Variants in FGD6 observed in about 807,000 individuals in gnomAD.
FGD6 encodes FYVE, RhoGEF and PH domain containing 6.
FGD6 carries 90 observed loss-of-function variants against 149.4 expected under a neutral mutation model. The observed-to-expected ratio is 0.60, with a 90% confidence interval of 0.51 to 0.72. The LOEUF is 0.72. Ranked by LOEUF, FGD6 falls within the 30% of genes least tolerant of loss-of-function variation. The pLI, the probability that FGD6 is intolerant of heterozygous loss-of-function variation, is 0.00. For missense variants in FGD6, 1,437 were observed against 1,684.8 expected (o/e 0.85, Z 2.57); for synonymous variants, 527 against 584.0 (o/e 0.90, Z 1.41).
At position 95,144,401 on chromosome 12, in the gene FGD6, T is replaced by C. The variant is rs1879945901; in HGVS notation, c.2686-2862A>G. ...ATCCATGAAACCCACAGAGTTACTT[T>C]TTTTTTTTGAGACAGAGTTTCACTC... is the stretch of plus-strand genomic sequence containing the variant. On this transcript the variant is annotated intron_variant, in intron 5 of 20. Transcript: ENST00000343958. Among the ~76,000 whole-genome samples, 3 of 146,054 alleles carry C rather than the reference T, an allele frequency of 2.1e-5. No homozygotes were observed. The South Asian group carries it at 6.4e-4, about 31-fold the overall frequency.
In FGD6 at chr12:95,082,643, C is replaced by T. The variant is rs1330946955; in HGVS notation, c.4257-1087G>A. 3.2e-4 allele frequency among the ~76,000 whole-genome samples: 38 copies of T among 118,028 alleles called. No individual in the cohort carries two copies. In the Admixed American group the frequency reaches 3.6e-3, roughly 11 times the overall value. The allele number at this position is 118,028 out of a possible 152,430, so 77.4% of individuals were successfully genotyped here. On this transcript the variant is annotated intron_variant, in intron 20 of 20. Coordinates refer to ENST00000343958, the MANE Select transcript of FGD6 (RefSeq NM_018351.4). ...CTGAACTCCAGCCTGGGCAACAGAGCGAGACTGTCTCAAAAAAAAAAAAAA... is the reference window on the plus strand; with the variant it reads ...CTGAACTCCAGCCTGGGCAACAGAGTGAGACTGTCTCAAAAAAAAAAAAAA...
intron 3 of FGD6, among the ~76,000 whole-genome samples, chr12:95,165,941 C>CTGGCT (rs1880798983): frequency 6.6e-6 from 1 of 151,476 alleles, no homozygotes; most frequent in Non-Finnish European, 1.5e-5. Flanking sequence ...GCCACCATGC[C>CTGGCT]TGGCTTGTTT....
At chr12:95,103,691 T>A (rs918908141) in intron 14 of FGD6, among the ~76,000 whole-genome samples, 2 of 152,130 alleles carry the variant, frequency 1.3e-5, no homozygotes, top group Non-Finnish European at 2.9e-5. Context: ...CATGCCACCA[T>A]GTCTGGCTAA....
chr12:95,129,762 T>C (rs1034853200), intron 8 of FGD6, among the ~76,000 whole-genome samples: 11 of 152,170 alleles, frequency 7.2e-5, no homozygotes, highest in Admixed American at 1.3e-4. Flanking sequence ...AACGTCCACC[T>C]CCCAGGTTCA....
intron 8 of FGD6, among the ~76,000 whole-genome samples, chr12:95,121,934 CCTA>C (rs1879203091): frequency 1.3e-5 from 2 of 152,022 alleles, no homozygotes; most frequent in Admixed American, 6.6e-5. Context: ...TCTTGGGTTT[CCTA>C]CTTTGTCATA....
At chr12:95,129,542 A>G (rs1592844512) in intron 8 of FGD6, among the ~76,000 whole-genome samples, 1 of 152,210 alleles carries the variant, frequency 6.6e-6, no homozygotes, top group Non-Finnish European at 1.5e-5. Flanking sequence ...AAAGAAGAAG[A>G]TAAGTAAAAG....
chr12:95,162,743 A>AATCC (rs1880684093), intron 3 of FGD6, among the ~76,000 whole-genome samples: 1 of 152,176 alleles, frequency 6.6e-6, no homozygotes. Flanking sequence ...GTTTAAACAC[A>AATCC]ATCCATCAGC....
chr12:95,196,510 G>A (rs1331334773), intron 2 of FGD6, among the ~76,000 whole-genome samples: 5 of 151,412 alleles, frequency 3.3e-5, no homozygotes, highest in Admixed American at 2.0e-4. Flanking sequence ...GATTACAGGC[G>A]TGAGCCACTG....
At chr12:95,081,654 A>G in intron 20 of FGD6, 98 bp from the exon 21 acceptor site, 1 of 615,510 alleles carries the variant, frequency 1.6e-6, no homozygotes, top group East Asian at 2.9e-5. Context: ...TCATTACCAT[A>G]ACAACATAGG....
At position 95,180,066 on chromosome 12, in the gene FGD6, G is replaced by A. The variant is rs367709005; in HGVS notation, c.2442-7322C>T. 3.0e-3 allele frequency among the ~76,000 whole-genome samples: 371 copies of A among 122,984 alleles called. 2 individuals carry two copies. Among genetic ancestry groups the A allele is most frequent in the African/African-American group, 0.011 (338 of 32,136 alleles). 80.7% of individuals were successfully genotyped at this position (122,984 alleles called of 152,430 possible). A position where few individuals can be genotyped will look rare whatever the true frequency, so the allele number is the denominator to read the frequency against. On this transcript the variant is annotated intron_variant, in intron 2 of 20. Coordinates refer to ENST00000343958, the MANE Select transcript of FGD6 (RefSeq NM_018351.4). ...GCACTCCAGCCTGGGCAATAAGAGC[G>A]AAACTCTGCCTCCAAAAAAAAAAAA...
At chr12:95,093,089 C>T (rs560030033) in intron 15 of FGD6, among the ~76,000 whole-genome samples, 287 of 152,062 alleles carry the variant, frequency 1.9e-3, no homozygotes, top group Non-Finnish European at 3.0e-3. Context: ...GGTGTGGTGG[C>T]GGGTGCCTGT....
In FGD6 at chr12:95,113,635, C is replaced by T; in HGVS notation, c.3133+16G>A. On this transcript the variant is annotated intron_variant, in intron 9 of 20. Transcript: ENST00000343958. ...AACATAATATAAAAACTTCTGCAAC[C>T]ACAGAAGTTATTTACCTTGAGTGTC... is the stretch of plus-strand genomic sequence containing the variant. 1 of 1,574,136 alleles carries T rather than the reference C, an allele frequency of 6.4e-7. No individual in the cohort carries two copies. The highest frequency in any genetic ancestry group is 8.6e-7 in the Non-Finnish European group (1 of 1,157,578).
chr12:95,102,450 A>AC (rs1878475609), intron 14 of FGD6, among the ~76,000 whole-genome samples: 4 of 79,524 alleles, frequency 5.0e-5, no homozygotes, highest in African/African-American at 1.4e-4. Flanking sequence ...TCTCAAAAAA[A>AC]AAAAAAAAAA....
intron 3 of FGD6, among the ~76,000 whole-genome samples, chr12:95,165,281 T>C (rs1052840638): frequency 3.3e-5 from 5 of 151,838 alleles, no homozygotes; most frequent in Admixed American, 3.3e-4. Flanking sequence ...CTTTTCTTCA[T>C]GCAACATGAA....
At chr12:95,105,248 T>C (rs1173809082) in intron 13 of FGD6, among the ~76,000 whole-genome samples, 162 bp from the exon 14 acceptor site, 1 of 152,154 alleles carries the variant, frequency 6.6e-6, no homozygotes, top group South Asian at 2.1e-4. Context: ...TTCAGATGAA[T>C]TGAAAAGCCC....
chr12:95,129,865 G>T (rs1471628053), intron 8 of FGD6, among the ~76,000 whole-genome samples: 1 of 152,018 alleles, frequency 6.6e-6, no homozygotes, highest in Non-Finnish European at 1.5e-5. Context: ...GTAGAGACAG[G>T]GTTTCACCAT....
At position 95,144,855 on chromosome 12, in the gene FGD6, AT is replaced by A. The variant is rs1233232586; in HGVS notation, c.2686-3317del. Among the ~76,000 whole-genome samples, 7 of 149,762 alleles carry A rather than the reference AT, an allele frequency of 4.7e-5. No homozygotes were observed. The East Asian group carries it at 1.4e-3, about 30-fold the overall frequency. On this transcript the variant is annotated intron_variant, in intron 5 of 20. Transcript: ENST00000343958. ...AGGCGCTTGCCACCACGCCTGGCTA[AT>A]TTTTGTATTTTTAGTAGATACGGGG...
At chr12:95,082,269 A>C (rs1336081812) in intron 20 of FGD6, among the ~76,000 whole-genome samples, 8 of 152,124 alleles carry the variant, frequency 5.3e-5, no homozygotes, top group Non-Finnish European at 1.0e-4. Context: ...TAGCTATCAG[A>C]GTTTCCTTGT....
At chr12:95,165,811 G>C (rs1016075970) in intron 3 of FGD6, among the ~76,000 whole-genome samples, 1 of 150,636 alleles carries the variant, frequency 6.6e-6, no homozygotes, top group Admixed American at 6.6e-5. Context: ...CTAATTTTTT[G>C]TGTCTGTTTT....
Sources: gnomAD v4.1 joint callset for allele counts (sites outside exome capture counted in the v4.1 genomes callset) on GRCh38, gnomAD v4.1.1 for gene constraint, MANE v1.5 for transcripts, NCBI Gene and HGNC (gene_info 2026-07-23, HGNC 2026-07-21) for gene names.